The following CA10 variants were observed in gnomAD, a reference collection of about 807,000 sequenced individuals.
CA10 encodes the protein carbonic anhydrase-related protein 10.
CA10 carries 14 observed loss-of-function variants against 44.2 expected under a neutral mutation model. The observed-to-expected ratio is 0.32, with a 90% CI of 0.21 to 0.50. The LOEUF is 0.50. Among genes scored for constraint, CA10 ranks in the 20% least tolerant of loss-of-function variants. CA10 has a pLI of 0.99. For synonymous variants in CA10, 159 were observed against 141.6 expected (o/e 1.12, Z -0.87); for missense variants, 350 against 409.7 (o/e 0.85, Z 1.26).
At chr17:52,054,430 G>A (rs575516359) in intron 2 of CA10, among the ~76,000 whole-genome samples, 19 of 152,154 alleles carry the variant, frequency 1.2e-4, no homozygotes, top group Middle Eastern at 6.8e-3. Flanking sequence ...ATGCGTGCCC[G>A]AAACTTCATT....
At chr17:51,869,159 G>A (rs544931007) in intron 3 of CA10, among the ~76,000 whole-genome samples, 1 of 152,038 alleles carries the variant, frequency 6.6e-6, no homozygotes, top group East Asian at 1.9e-4. Context: ...CAAATTAAGG[G>A]TACACATACA....
At chr17:51,853,041 T>C (rs1027311363) in intron 3 of CA10, among the ~76,000 whole-genome samples, 1 of 152,190 alleles carries the variant, frequency 6.6e-6, no homozygotes, top group Non-Finnish European at 1.5e-5. Flanking sequence ...CTTTATCATA[T>C]GTCCTTGGAA....
chr17:51,811,287 A>T (rs1029234543), intron 3 of CA10, among the ~76,000 whole-genome samples: 1 of 144,876 alleles, frequency 6.9e-6, no homozygotes, highest in Non-Finnish European at 1.6e-5. Context: ...GGCTAATATG[A>T]GTGGCTGATT....
At chr17:51,805,220 A>G (rs1017802001) in intron 3 of CA10, among the ~76,000 whole-genome samples, 14 of 152,166 alleles carry the variant, frequency 9.2e-5, no homozygotes, top group Non-Finnish European at 1.5e-4. Context: ...TCTGTGCCTT[A>G]GTGAGGGCTT....
At chr17:51,765,756 G>A (rs73987192) in intron 3 of CA10, among the ~76,000 whole-genome samples, 2,449 of 149,116 alleles carry the variant, frequency 0.016, 72 homozygotes, top group African/African-American at 0.055. Flanking sequence ...TTTAGGGGGG[G>A]TTGGGTATAG....
At chr17:51,653,236 C>T (rs561490763) in intron 5 of CA10, among the ~76,000 whole-genome samples, 1 of 152,272 alleles carries the variant, frequency 6.6e-6, no homozygotes, top group South Asian at 2.1e-4. Flanking sequence ...AGAGACATCT[C>T]ACTTCTTCCT....
At chr17:51,770,453 A>G (rs1905560630) in intron 3 of CA10, among the ~76,000 whole-genome samples, 1 of 151,616 alleles carries the variant, frequency 6.6e-6, no homozygotes, top group African/African-American at 2.4e-5. Context: ...CACCATTAAT[A>G]CTAATATTTG....
At chr17:51,842,482 A>C (rs78837165) in intron 3 of CA10, among the ~76,000 whole-genome samples, 221 of 152,326 alleles carry the variant, frequency 1.5e-3, no homozygotes, top group African/African-American at 5.2e-3. Flanking sequence ...GCACTGCACC[A>C]TGTCAGATAA....
intron 1 of CA10, among the ~76,000 whole-genome samples, chr17:52,144,269 A>G (rs1281933638): frequency 1.3e-5 from 2 of 152,218 alleles, no homozygotes; most frequent in African/African-American, 2.4e-5. Context: ...TTTATCATAA[A>G]TGGATTAGGC....
At chr17:51,976,325 T>G (rs1984460451) in intron 2 of CA10, among the ~76,000 whole-genome samples, 1 of 152,172 alleles carries the variant, frequency 6.6e-6, no homozygotes, top group Non-Finnish European at 1.5e-5. Context: ...ACATTACACA[T>G]AAGAACTGCA....
intron 3 of CA10, among the ~76,000 whole-genome samples, chr17:51,764,892 A>G (rs1013194718): frequency 6.6e-6 from 1 of 152,210 alleles, no homozygotes; most frequent in South Asian, 2.1e-4. Flanking sequence ...TCTCATTTCT[A>G]ATAAAGGCAG....
rs568138352 is a variant in CA10 at position 51,647,302 on chromosome 17, C to T, written c.634+1880G>A. 2.0e-5 allele frequency among the ~76,000 whole-genome samples: 3 copies of T among 152,318 alleles called. No homozygotes were observed. The East Asian group carries it at 5.8e-4, about 29-fold the overall frequency. ...TATTGGGCGTGCCTCGTCTTAGGCA[C>T]TGAGACGAAGAGCTGATGAAGACAG... On this transcript the variant is annotated intron_variant, in intron 6 of 8. Coordinates refer to ENST00000451037, the MANE Select transcript of CA10 (RefSeq NM_020178.5).
At chr17:51,664,087 C>G (rs1157707459) in intron 4 of CA10, among the ~76,000 whole-genome samples, 2 of 152,096 alleles carry the variant, frequency 1.3e-5, no homozygotes, top group Non-Finnish European at 2.9e-5. Flanking sequence ...AATATTAAGT[C>G]ATTCCAGAGC....
At chr17:51,949,241 T>A (rs941319284) in intron 2 of CA10, among the ~76,000 whole-genome samples, 2 of 152,176 alleles carry the variant, frequency 1.3e-5, no homozygotes, top group African/African-American at 4.8e-5. Flanking sequence ...AACATTTATA[T>A]AATATGTGTA....
intron 3 of CA10, among the ~76,000 whole-genome samples, chr17:51,875,895 C>G (rs934296926): frequency 2.0e-5 from 3 of 152,102 alleles, no homozygotes; most frequent in Admixed American, 2.0e-4. Context: ...CCAGAATGTT[C>G]TATAAATGGA....
At chr17:51,854,353 T>C (rs1289072733) in intron 3 of CA10, among the ~76,000 whole-genome samples, 1 of 152,160 alleles carries the variant, frequency 6.6e-6, no homozygotes, top group Non-Finnish European at 1.5e-5. Flanking sequence ...GGTCTAGGCA[T>C]TGGGAAGCAA....
chr17:51,775,993 G>C (rs1905803639), intron 3 of CA10, among the ~76,000 whole-genome samples: 1 of 152,160 alleles, frequency 6.6e-6, no homozygotes, highest in African/African-American at 2.4e-5. Context: ...GAATACCCTA[G>C]GTGTTTTCTA....
chr17:51,855,912 C>A (rs150634101), intron 3 of CA10, among the ~76,000 whole-genome samples: 1 of 151,976 alleles, frequency 6.6e-6, no homozygotes, highest in South Asian at 2.1e-4. Context: ...ATGGTCTTTG[C>A]TTTCCTCCCT....
At chr17:52,023,456 A>G (rs1986203518) in intron 2 of CA10, among the ~76,000 whole-genome samples, 1 of 152,154 alleles carries the variant, frequency 6.6e-6, no homozygotes, top group Non-Finnish European at 1.5e-5. Flanking sequence ...CACTGTAAAC[A>G]AAAATAAACT....
Sources: allele counts gnomAD v4.1 joint callset (sites outside exome capture counted in the v4.1 genomes callset), GRCh38; gene constraint gnomAD v4.1.1; transcripts MANE v1.5; gene names NCBI Gene and HGNC (gene_info 2026-07-23, HGNC 2026-07-21).